Variants in HEATR3 observed in about 807,000 individuals in gnomAD.
The protein encoded by HEATR3 is HEAT repeat-containing protein 3.
A neutral mutation model predicts 72.8 loss-of-function variants in HEATR3; 56 were observed. The observed-to-expected ratio is 0.77, with a 90% CI of 0.62 to 0.96. The LOEUF is 0.96. Ranked by LOEUF, HEATR3 falls within the 40% of genes least tolerant of loss-of-function variation. The pLI is 0.00. For synonymous variants in HEATR3, 331 were observed against 318.1 expected (o/e 1.04, Z -0.43); for missense variants, 747 against 831.4 (o/e 0.90, Z 1.25).
intron 4 of HEATR3, among the ~76,000 whole-genome samples, chr16:50,072,187 C>T (rs969575322): frequency 6.6e-6 from 1 of 152,096 alleles, no homozygotes; most frequent in African/African-American, 2.4e-5. Context: ...AAAGAAAAAA[C>T]AGTAGCCTGG....
chr16:50,103,435 G>C (rs1444380600), intron 14 of HEATR3, among the ~76,000 whole-genome samples: 1 of 152,176 alleles, frequency 6.6e-6, no homozygotes, highest in Non-Finnish European at 1.5e-5. Flanking sequence ...TGTGTTAAAG[G>C]CTATTCAGTG....
intron 11 of HEATR3, among the ~76,000 whole-genome samples, chr16:50,089,070 G>A (rs1469831956): frequency 6.6e-6 from 1 of 152,232 alleles, no homozygotes; most frequent in Non-Finnish European, 1.5e-5. Context: ...ACTGAGGCCA[G>A]CACATTTATT....
chr16:50,082,811 CT>C (rs1404467295), intron 7 of HEATR3, among the ~76,000 whole-genome samples: 3 of 141,462 alleles, frequency 2.1e-5, no homozygotes, highest in South Asian at 2.2e-4. Context: ...TTCTTTTTTT[CT>C]TTTTTTTTGA....
intron 12 of HEATR3, among the ~76,000 whole-genome samples, chr16:50,099,479 C>G (rs994605739): frequency 2.0e-5 from 3 of 152,082 alleles, no homozygotes; most frequent in African/African-American, 7.2e-5. Flanking sequence ...TAGGGGCTCA[C>G]ACGAGTGATA....
chr16:50,092,642 C>T (rs1433883840), intron 11 of HEATR3, among the ~76,000 whole-genome samples: 1 of 151,666 alleles, frequency 6.6e-6, no homozygotes, highest in Non-Finnish European at 1.5e-5. Context: ...GGGGTTTCAC[C>T]GTGTTAGCCA....
Position 50,105,058 on chromosome 16 carries a change from T to G in HEATR3, c.2040T>G (p.Ser680=). 6.2e-7 allele frequency: 1 copy of G among 1,608,856 alleles called. No individual in the cohort carries two copies. Among genetic ancestry groups the G allele is most frequent in the Non-Finnish European group, 8.5e-7 (1 of 1,178,856 alleles). ...AAACTGTTGAGAAAAGACTGACTTC[T>G]TAAACAATCCAAAAAAGAAACCAGT... The part of the protein sequence containing the change: ...YQETVEKRLT[S] Residue 680 remains serine, a synonymous_variant, in exon 15 of 15, where the codon TCT becomes TCG. Transcript: ENST00000299192.
At chr16:50,091,408 A>G (rs540353410) in intron 11 of HEATR3, among the ~76,000 whole-genome samples, 45 of 152,108 alleles carry the variant, frequency 3.0e-4, no homozygotes, top group Non-Finnish European at 5.7e-4. Flanking sequence ...CAGAGGTTGC[A>G]GTGAGCCCAG....
chr16:50,066,314 C>A (rs773162123), intron 1 of HEATR3, 45 bp downstream of exon 1: 1 of 1,568,204 alleles, frequency 6.4e-7, no homozygotes, highest in African/African-American at 1.4e-5. Context: ...ACGAGGTTGC[C>A]CCGCGCGCGT....
intron 5 of HEATR3, chr16:50,074,673 G>A (rs1057024115): frequency 2.6e-5 from 4 of 151,414 alleles, no homozygotes; most frequent in African/African-American, 7.3e-5. Context: ...TTATAGTAAC[G>A]ACATTGCCGC....
At chr16:50,096,111 G>A (rs1233892303) in intron 12 of HEATR3, among the ~76,000 whole-genome samples, 1 of 151,786 alleles carries the variant, frequency 6.6e-6, no homozygotes, top group Non-Finnish European at 1.5e-5. Flanking sequence ...GATCACCTGA[G>A]GTCAGGAAGT....
intron 10 of HEATR3, among the ~76,000 whole-genome samples, chr16:50,084,969 G>A (rs779378574): frequency 3.9e-5 from 6 of 152,090 alleles, no homozygotes; most frequent in Admixed American, 6.5e-5. Flanking sequence ...CTCACAACTC[G>A]GATGGAACTT....
chr16:50,082,703 C>T (rs2036893403), intron 7 of HEATR3, among the ~76,000 whole-genome samples: 1 of 143,420 alleles, frequency 7.0e-6, no homozygotes, highest in Admixed American at 7.2e-5. Flanking sequence ...GGGAGGATTA[C>T]TTGAGGTCAG....
At chr16:50,096,813 A>G (rs971848952) in intron 12 of HEATR3, among the ~76,000 whole-genome samples, 7 of 152,288 alleles carry the variant, frequency 4.6e-5, no homozygotes, top group South Asian at 2.1e-4. Flanking sequence ...ATAAGTAACT[A>G]AAGTGTACAA....
chr16:50,084,086 G>C, intron 8 of HEATR3, 48 bp from the exon 9 acceptor site: 1 of 1,613,916 alleles, frequency 6.2e-7, no homozygotes, highest in Non-Finnish European at 8.5e-7. Flanking sequence ...AACTCCCGTG[G>C]AGATTTTCTT....
chr16:50,067,198 A>G (rs1197999687), intron 2 of HEATR3, among the ~76,000 whole-genome samples: 1 of 152,070 alleles, frequency 6.6e-6, no homozygotes, highest in Non-Finnish European at 1.5e-5. Context: ...TAGAAAAATT[A>G]TAAACAATTA....
chr16:50,066,057 T>C lies in HEATR3; in HGVS notation c.-75T>C, dbSNP rs2036478933. 6.7e-7 allele frequency: 1 copy of C among 1,491,142 alleles called. No individual in the cohort carries two copies. Among genetic ancestry groups the C allele is most frequent in the Non-Finnish European group, 9.0e-7 (1 of 1,113,042 alleles). The allele number at this position is 1,491,142 out of a possible 1,614,324, so 92.4% of individuals were successfully genotyped here. On this transcript the variant is annotated 5_prime_UTR_variant, in exon 1 of 15. Coordinates refer to ENST00000299192, the MANE Select transcript of HEATR3 (RefSeq NM_182922.4). ...AGCTGAGCAGCAGCAACGGACCTTGTTAACGGCGCGGCAGCCTCCACCGCC... is the reference window on the plus strand; with the variant it reads ...AGCTGAGCAGCAGCAACGGACCTTGCTAACGGCGCGGCAGCCTCCACCGCC...
intron 8 of HEATR3, 29 bp downstream of exon 8, chr16:50,084,056 T>TC: frequency 6.2e-7 from 1 of 1,613,754 alleles, no homozygotes; most frequent in Non-Finnish European, 8.5e-7. Context: ...TTAGACATTT[T>TC]CCCCCTGAGC....
chr16:50,081,230 A>G (rs902928788), intron 7 of HEATR3, among the ~76,000 whole-genome samples: 2 of 152,198 alleles, frequency 1.3e-5, no homozygotes, highest in Non-Finnish European at 2.9e-5. Flanking sequence ...GCCTGAGTCC[A>G]GGAGTTCAAG....
chr16:50,092,228 C>T (rs1371383655), intron 11 of HEATR3, among the ~76,000 whole-genome samples: 2 of 151,570 alleles, frequency 1.3e-5, no homozygotes, highest in Non-Finnish European at 2.9e-5. Context: ...CCCAGCTACT[C>T]GGGAGGCTGA....
Sources: gnomAD v4.1 joint callset for allele counts (sites outside exome capture counted in the v4.1 genomes callset) on GRCh38, gnomAD v4.1.1 for gene constraint, MANE v1.5 for transcripts, NCBI Gene and HGNC (gene_info 2026-07-23, HGNC 2026-07-21) for gene names.